Variants in LACTBL1 observed in about 807,000 individuals in gnomAD.
LACTBL1 encodes the protein beta-lactamase-like protein 1.
LACTBL1 carries 29 observed loss-of-function variants against 39.6 expected under a neutral mutation model. The observed-to-expected ratio is 0.73, with a 90% CI of 0.55 to 1.00. The LOEUF is 1.00. LACTBL1 is among the 50% of genes least tolerant of loss of function. The pLI, the probability that LACTBL1 is intolerant of heterozygous loss-of-function variation, is 0.00. For synonymous variants in LACTBL1, 361 were observed against 360.7 expected, an observed-to-expected ratio of 1.00 and a Z score of -0.01; for missense variants, 711 against 748.5, an observed-to-expected ratio of 0.95 and a Z score of 0.59.
exon 1 of LACTBL1, chr1:22,965,298 A>G: frequency 7.6e-7 from 1 of 1,315,646 alleles, no homozygotes; most frequent in Non-Finnish European, 9.8e-7. Context: ...ACCGGTCTTC[A>G]GCTTGGGGAG....
At chr1:22,969,799 A>G (rs1475129184), upstream of LACTBL1, among the ~76,000 whole-genome samples, 1 of 152,168 alleles carries the variant, frequency 6.6e-6, no homozygotes, top group Non-Finnish European at 1.5e-5. Context: ...CGCTCATGGT[A>G]ACTGGCTACT....
intron 2 of LACTBL1, among the ~76,000 whole-genome samples, chr1:22,961,456 C>T (rs181710372): frequency 6.6e-6 from 1 of 152,216 alleles, no homozygotes; most frequent in Admixed American, 6.5e-5. Flanking sequence ...CTCCACCTCC[C>T]GGGTTCAAGC....
exon 3 of LACTBL1, chr1:22,960,035 A>G (rs1640804008): frequency 6.4e-7 from 1 of 1,550,844 alleles, no homozygotes; most frequent in Non-Finnish European, 8.7e-7. Context: ...ATCATTGTGG[A>G]TGACAACTGC....
chr1:22,965,152 G>A (rs999608087), intron 1 of LACTBL1, 138 bp downstream of exon 3: 7 of 657,608 alleles, frequency 1.1e-5, no homozygotes, highest in Non-Finnish European at 1.5e-5. Flanking sequence ...GTGAGAGCTG[G>A]ACTCAGAATG....
chr1:22,972,359 G>T, the LACTBL1 span: 1 of 984,938 alleles, frequency 1.0e-6, no homozygotes, highest in Admixed American at 6.2e-5. Context: ...GAGGATTCAG[G>T]TCTACACCAC....
At chr1:22,969,886 T>A (rs776546345), upstream of LACTBL1, among the ~76,000 whole-genome samples, 1 of 152,196 alleles carries the variant, frequency 6.6e-6, no homozygotes, top group Non-Finnish European at 1.5e-5. Context: ...CTGGCTCTTA[T>A]GCCTTGGACA....
intron 2 of LACTBL1, among the ~76,000 whole-genome samples, chr1:22,962,211 C>T (rs1328935811): frequency 2.6e-5 from 4 of 152,184 alleles, no homozygotes; most frequent in Non-Finnish European, 5.9e-5. Context: ...CTGAAAGCCA[C>T]ATAGCACCCT....
At chr1:22,956,063 CAAA>C (rs10582369) in intron 4 of LACTBL1, among the ~76,000 whole-genome samples, 1,596 of 76,568 alleles carry the variant, frequency 0.021, 15 homozygotes, top group Middle Eastern at 0.038. Flanking sequence ...AACTCCATCT[CAAA>C]AAAAAAAAAA....
chr1:22,959,950 G>A (rs545526694), exon 3 of LACTBL1: 1 of 1,551,140 alleles, frequency 6.4e-7, no homozygotes, highest in East Asian at 2.4e-5. Flanking sequence ...ACCTGTACAT[G>A]GTGTACTCAT....
upstream of LACTBL1, among the ~76,000 whole-genome samples, chr1:22,965,923 G>C (rs1380390264): frequency 1.3e-5 from 2 of 152,162 alleles, no homozygotes; most frequent in Non-Finnish European, 2.9e-5. Flanking sequence ...GTACATTACA[G>C]GTTGCCAGGG....
chr1:22,972,056 T>A, the LACTBL1 span, among the ~76,000 whole-genome samples: 7 of 151,948 alleles, frequency 4.6e-5, no homozygotes, highest in South Asian at 8.3e-4. Context: ...GGAAGAGGAG[T>A]TAGTTTCTGG....
the LACTBL1 span, among the ~76,000 whole-genome samples, chr1:22,970,516 G>A: frequency 2.6e-5 from 4 of 152,112 alleles, no homozygotes; most frequent in Non-Finnish European, 5.9e-5. Flanking sequence ...TATGTTTATC[G>A]TGGTGGTGGT....
intron 2 of LACTBL1, among the ~76,000 whole-genome samples, chr1:22,962,695 C>A (rs1459191410): frequency 6.6e-6 from 1 of 152,106 alleles, no homozygotes; most frequent in Non-Finnish European, 1.5e-5. Context: ...CTGTCTGGAG[C>A]ACACCTCTCC....
chr1:22,957,984 C>G (rs1461112498), intron 4 of LACTBL1, among the ~76,000 whole-genome samples: 1 of 152,088 alleles, frequency 6.6e-6, no homozygotes, highest in East Asian at 1.9e-4. Flanking sequence ...TCTGTGAGCT[C>G]TCAATTCTGT....
At chr1:22,955,465 G>C in intron 4 of LACTBL1, 39 bp from the exon 7 acceptor site, 1 of 1,424,446 alleles carries the variant, frequency 7.0e-7, no homozygotes, top group Non-Finnish European at 9.6e-7. Flanking sequence ...GGGCCCGGCT[G>C]AGGGTGGGAT....
intron 2 of LACTBL1, among the ~76,000 whole-genome samples, chr1:22,962,606 T>TC (rs1368608087): frequency 1.3e-5 from 2 of 152,124 alleles, no homozygotes; most frequent in Non-Finnish European, 2.9e-5. Context: ...CTTCCCTACT[T>TC]CCCACCTATG....
intron 2 of LACTBL1, among the ~76,000 whole-genome samples, chr1:22,961,214 C>T (rs1017362744): frequency 6.6e-6 from 1 of 152,192 alleles, no homozygotes; most frequent in Admixed American, 6.5e-5. Flanking sequence ...CTCCTTTCAT[C>T]CTCGTGAGTC....
upstream of LACTBL1, among the ~76,000 whole-genome samples, chr1:22,966,481 C>T (rs997315572): frequency 6.6e-6 from 1 of 152,100 alleles, no homozygotes; most frequent in African/African-American, 2.4e-5. Context: ...TGGTGAGTTA[C>T]CAAATGAGAA....
rs192083041 is a variant in LACTBL1, at chr1:22,964,446, C to G, written c.49+844G>C. Among the ~76,000 whole-genome samples the G allele has an allele frequency of 7.5e-4, 114 of 152,330 alleles. No individual in the cohort carries two copies. The East Asian group carries it at 0.018, about 24-fold the overall frequency. On this transcript the variant is annotated intron_variant, in intron 1 of 5. Coordinates refer to ENST00000426928, the Ensembl canonical transcript of LACTBL1. ...TCCACGCTGAGGGAGACACCGCCCC[C>G]CTCAACCCGACCCCCAAGCCGACTT...
Sources: gnomAD v4.1 joint callset for allele counts (sites outside exome capture counted in the v4.1 genomes callset) on GRCh38, gnomAD v4.1.1 for gene constraint, MANE v1.5 for transcripts, NCBI Gene and HGNC (gene_info 2026-07-23, HGNC 2026-07-21) for gene names.